Variants in WWOX observed in about 807,000 individuals in gnomAD.
WWOX encodes WW domain containing oxidoreductase.
In WWOX, 69 loss-of-function variants were observed where a neutral mutation model predicts 46.2. The observed-to-expected ratio is 1.49, with a 90% CI of 1.23 to 1.82. The LOEUF is 1.82. Among genes scored for constraint, WWOX ranks in the 40% most tolerant of loss-of-function variants. WWOX has a pLI of 0.00. For synonymous variants in WWOX, 359 were observed against 202.6 expected (o/e 1.77, Z -6.56); for missense variants, 919 against 542.6 (o/e 1.69, Z -6.89).
chr16:78,647,416 T>C (rs2046869160), intron 8 of WWOX, among the ~76,000 whole-genome samples: 1 of 152,150 alleles, frequency 6.6e-6, no homozygotes, highest in African/African-American at 2.4e-5. Context: ...CAGGTTTCTA[T>C]CATTACACAG....
chr16:79,198,116 G>A (rs368357020), intron 8 of WWOX, among the ~76,000 whole-genome samples: 2 of 151,920 alleles, frequency 1.3e-5, no homozygotes, highest in Non-Finnish European at 2.9e-5. Context: ...CCTGAGGACA[G>A]GAGTTGGAGA....
chr16:78,515,221 C>G (rs1008825612), intron 8 of WWOX, among the ~76,000 whole-genome samples: 1 of 152,116 alleles, frequency 6.6e-6, no homozygotes, highest in African/African-American at 2.4e-5. Flanking sequence ...GAGACCCTGT[C>G]TCAGAAACAG....
chr16:78,957,154 A>T (rs896681278), intron 8 of WWOX, among the ~76,000 whole-genome samples: 2 of 152,192 alleles, frequency 1.3e-5, no homozygotes, highest in East Asian at 1.9e-4. Flanking sequence ...GAGTGTTGCA[A>T]TCTGAGGTAT....
At chr16:79,063,813 A>G (rs1461258029) in intron 8 of WWOX, among the ~76,000 whole-genome samples, 1 of 152,234 alleles carries the variant, frequency 6.6e-6, no homozygotes, top group African/African-American at 2.4e-5. Context: ...TGGGACCTAA[A>G]GAGTTGGGAA....
intron 8 of WWOX, among the ~76,000 whole-genome samples, chr16:78,505,168 C>A (rs1405751997): frequency 1.3e-5 from 2 of 152,180 alleles, no homozygotes; most frequent in African/African-American, 4.8e-5. Flanking sequence ...CTTTTAAATA[C>A]ACAGAACTTA....
chr16:78,688,817 C>A (rs780848757), intron 8 of WWOX, among the ~76,000 whole-genome samples: 4 of 152,110 alleles, frequency 2.6e-5, no homozygotes, highest in Non-Finnish European at 5.9e-5. Context: ...ATGGGAGGGA[C>A]CCAGTGGGAG....
At chr16:78,199,205 C>T (rs1045319326) in intron 5 of WWOX, among the ~76,000 whole-genome samples, 28 of 151,906 alleles carry the variant, frequency 1.8e-4, no homozygotes, top group African/African-American at 6.5e-4. Context: ...CCAAGCTACT[C>T]GGGAGGCTGA....
chr16:78,977,058 G>A (rs534886818), intron 8 of WWOX, among the ~76,000 whole-genome samples: 8 of 152,220 alleles, frequency 5.3e-5, no homozygotes, highest in Admixed American at 4.6e-4. Context: ...TGAGGCTCAC[G>A]CACACGTCAA....
At chr16:78,726,161 C>T in intron 8 of WWOX, among the ~76,000 whole-genome samples, 1 of 133,994 alleles carries the variant, frequency 7.5e-6, no homozygotes, top group African/African-American at 2.8e-5. Context: ...CTTTCTCTTT[C>T]TGTGTCTCTC....
chr16:79,200,641 T>C (rs2051328966), intron 8 of WWOX, among the ~76,000 whole-genome samples: 1 of 152,154 alleles, frequency 6.6e-6, no homozygotes, highest in African/African-American at 2.4e-5. Flanking sequence ...TCGTCTTTTT[T>C]TTTGGCCATT....
intron 8 of WWOX, among the ~76,000 whole-genome samples, chr16:78,989,711 G>A (rs1439601545): frequency 6.7e-6 from 1 of 148,678 alleles, no homozygotes; most frequent in African/African-American, 2.5e-5. Context: ...AAGCAGAGCA[G>A]GAGAGAGAAT....
At chr16:79,011,159 A>G (rs893326062) in intron 8 of WWOX, among the ~76,000 whole-genome samples, 6 of 141,926 alleles carry the variant, frequency 4.2e-5, no homozygotes, top group African/African-American at 1.5e-4. Flanking sequence ...ACACACACAC[A>G]CACACACACA....
intron 8 of WWOX, among the ~76,000 whole-genome samples, chr16:78,759,407 C>G (rs1469039581): frequency 1.3e-5 from 2 of 152,184 alleles, no homozygotes; most frequent in African/African-American, 2.4e-5. Flanking sequence ...TTTTTCTTCT[C>G]TCACTGCTGC....
chr16:78,801,616 C>T (rs974287457), intron 8 of WWOX, among the ~76,000 whole-genome samples: 2 of 152,188 alleles, frequency 1.3e-5, no homozygotes, highest in African/African-American at 2.4e-5. Context: ...GCTCTCACCC[C>T]ACATTAACAA....
chr16:79,055,648 G>A (rs546089954), intron 8 of WWOX, among the ~76,000 whole-genome samples: 3 of 152,336 alleles, frequency 2.0e-5, no homozygotes, highest in African/African-American at 7.2e-5. Flanking sequence ...AAAGGTGTAT[G>A]TTTGGGGTTG....
At chr16:79,038,849 C>G (rs1167766563) in intron 8 of WWOX, among the ~76,000 whole-genome samples, 2 of 152,100 alleles carry the variant, frequency 1.3e-5, no homozygotes, top group African/African-American at 2.4e-5. Context: ...TGTGCCCAGC[C>G]TAGAAATAAC....
intron 8 of WWOX, among the ~76,000 whole-genome samples, chr16:78,977,088 C>G (rs2046587241): frequency 6.6e-6 from 1 of 152,188 alleles, no homozygotes; most frequent in African/African-American, 2.4e-5. Context: ...CTTTTTGATG[C>G]CTCCAGGCAA....
At chr16:78,636,730 T>C (rs2046580731) in intron 8 of WWOX, among the ~76,000 whole-genome samples, 1 of 152,136 alleles carries the variant, frequency 6.6e-6, no homozygotes, top group African/African-American at 2.4e-5. Context: ...GCTCAGCAAG[T>C]AAGAATGGAG....
intron 8 of WWOX, among the ~76,000 whole-genome samples, chr16:78,778,916 T>A (rs2050258116): frequency 6.6e-6 from 1 of 152,306 alleles, no homozygotes; most frequent in Non-Finnish European, 1.5e-5. Flanking sequence ...TGGATAGGGA[T>A]AGGATGTCGC....
Sources: gnomAD v4.1 joint callset for allele counts (sites outside exome capture counted in the v4.1 genomes callset) on GRCh38, gnomAD v4.1.1 for gene constraint, MANE v1.5 for transcripts, NCBI Gene and HGNC (gene_info 2026-07-23, HGNC 2026-07-21) for gene names.